Variants in TNKS observed in about 807,000 individuals in gnomAD.
The protein encoded by TNKS is tankyrase.
In TNKS, 72 loss-of-function variants were observed where a neutral mutation model predicts 135.8. The ratio of observed to expected loss-of-function variants is 0.53; its 90% CI spans 0.44 to 0.64. TNKS has a LOEUF of 0.64. TNKS is among the 30% of genes least tolerant of loss of function. TNKS has a pLI of 0.00. For missense variants in TNKS, 1,769 were observed against 1,674.0 expected (o/e 1.06, Z -0.99); for synonymous variants, 849 against 649.3 (o/e 1.31, Z -4.68).
chr8:9,717,072 A>AATATATAT (rs368231440), intron 11 of TNKS, among the ~76,000 whole-genome samples: 2,817 of 79,348 alleles, frequency 0.036, 125 homozygotes, highest in Non-Finnish European at 0.05. Context: ...GTTGTATTAT[A>AATATATAT]ATATATATAT....
At chr8:9,667,151 C>CA (rs1802035613) in intron 3 of TNKS, among the ~76,000 whole-genome samples, 1 of 152,154 alleles carries the variant, frequency 6.6e-6, no homozygotes, top group African/African-American at 2.4e-5. Flanking sequence ...TACTCAAAAA[C>CA]ACTTTCTTCA....
At chr8:9,605,621 T>TA (rs1400190139) in intron 2 of TNKS, among the ~76,000 whole-genome samples, 1 of 152,118 alleles carries the variant, frequency 6.6e-6, no homozygotes, top group Admixed American at 6.5e-5. Flanking sequence ...AGTAATGTGT[T>TA]AGAGTTCCAG....
intron 3 of TNKS, among the ~76,000 whole-genome samples, chr8:9,636,789 C>G (rs1319211199): frequency 3.3e-5 from 5 of 152,132 alleles, no homozygotes; most frequent in African/African-American, 1.2e-4. Context: ...TAGATGGACA[C>G]CAGATGAGTA....
intron 18 of TNKS, among the ~76,000 whole-genome samples, chr8:9,749,189 C>G (rs1251770277): frequency 6.6e-6 from 1 of 152,178 alleles, no homozygotes; most frequent in Non-Finnish European, 1.5e-5. Context: ...AAAGGAGAAG[C>G]AAAAATTTCG....
chr8:9,722,578 T>G (rs909395163), intron 12 of TNKS: 9 of 148,726 alleles, frequency 6.1e-5, no homozygotes, highest in Admixed American at 1.3e-4. Context: ...AAAAAAAGAC[T>G]TTGACTTCCT....
intron 19 of TNKS, among the ~76,000 whole-genome samples, chr8:9,752,193 T>C (rs1258914441): frequency 6.6e-6 from 1 of 152,206 alleles, no homozygotes; most frequent in African/African-American, 2.4e-5. Flanking sequence ...TTAAAAGCTT[T>C]AGATGTTTCT....
chr8:9,635,860 A>G (rs185779779), intron 3 of TNKS, among the ~76,000 whole-genome samples: 18 of 152,324 alleles, frequency 1.2e-4, no homozygotes, highest in African/African-American at 3.6e-4. Flanking sequence ...ATCAAAGGAA[A>G]CTAAAGAGAC....
intron 2 of TNKS, among the ~76,000 whole-genome samples, chr8:9,581,892 A>T (rs1302471179): frequency 6.6e-6 from 1 of 152,170 alleles, no homozygotes; most frequent in African/African-American, 2.4e-5. Flanking sequence ...CTATTGAAAT[A>T]AAAGACTAGA....
chr8:9,720,463 C>A lies in TNKS; in HGVS notation c.1839C>A (p.Tyr613Ter). The A allele has an allele frequency of 6.2e-7, 1 of 1,614,156 alleles. No individual in the cohort carries two copies. Among genetic ancestry groups the A allele is most frequent in the Non-Finnish European group, 8.5e-7 (1 of 1,180,022 alleles). ...AGACCTGCCGCCTCCTGCTGAGTTA[C>A]GGCTCTGACCCCTCCATCATCTCCT... ...HLQTCRLLLS[Y>*]GSDPSIISLQ... Residue 613 changes from tyrosine to a stop codon, truncating the protein, a stop_gained, in exon 12 of 27, where the codon TAC becomes TAA. Coordinates refer to ENST00000310430, the MANE Select transcript of TNKS (RefSeq NM_003747.3). LOFTEE classifies it high-confidence loss of function.
chr8:9,602,221 A>G lies in TNKS; in HGVS notation c.899-13361A>G, dbSNP rs141854511. On this transcript the variant is annotated intron_variant, in intron 2 of 26. Transcript: ENST00000310430. Reference sequence around the variant, plus strand: ...GACTACTTAGGCTGTTAAAGATGCAACAAGCCACTTGTAGGTTTAGCTAGT... The same window carrying G: ...GACTACTTAGGCTGTTAAAGATGCAGCAAGCCACTTGTAGGTTTAGCTAGT... Among the ~76,000 whole-genome samples, 3 of 152,330 alleles carry G rather than the reference A, an allele frequency of 2.0e-5. No individual in the cohort carries two copies. The East Asian group carries it at 5.8e-4, about 29-fold the overall frequency.
chr8:9,569,278 C>G (rs974965560), intron 1 of TNKS, among the ~76,000 whole-genome samples: 1 of 152,174 alleles, frequency 6.6e-6, no homozygotes, highest in Non-Finnish European at 1.5e-5. Context: ...AGCTCCATAG[C>G]ACACACACAT....
At chr8:9,722,025 C>T (rs1231717137) in intron 12 of TNKS, among the ~76,000 whole-genome samples, 1 of 149,190 alleles carries the variant, frequency 6.7e-6, no homozygotes, top group Non-Finnish European at 1.5e-5. Flanking sequence ...TGCACTCCAT[C>T]CAGCCTGGGT....
At chr8:9,748,624 G>A (rs1395971058) in intron 18 of TNKS, among the ~76,000 whole-genome samples, 2 of 152,322 alleles carry the variant, frequency 1.3e-5, no homozygotes, top group Admixed American at 6.5e-5. Context: ...TAACTGCAAA[G>A]TTAAGCACTG....
At chr8:9,613,314 T>C (rs1799529185) in intron 2 of TNKS, among the ~76,000 whole-genome samples, 1 of 152,176 alleles carries the variant, frequency 6.6e-6, no homozygotes, top group Non-Finnish European at 1.5e-5. Context: ...TATGGTGAGC[T>C]GATGGGGATT....
At chr8:9,606,298 C>G (rs142755399) in intron 2 of TNKS, among the ~76,000 whole-genome samples, 1,707 of 151,362 alleles carry the variant, frequency 0.011, 20 homozygotes, top group African/African-American at 0.04. Flanking sequence ...TATGAGCTGT[C>G]TTCTGTTCTG....
intron 1 of TNKS, among the ~76,000 whole-genome samples, chr8:9,574,524 C>G (rs1257862278): frequency 6.6e-6 from 1 of 152,180 alleles, no homozygotes; most frequent in African/African-American, 2.4e-5. Context: ...ACATAGCTGA[C>G]AGATGATCCT....
At chr8:9,580,933 T>G (rs574970920) in intron 2 of TNKS, among the ~76,000 whole-genome samples, 1 of 152,346 alleles carries the variant, frequency 6.6e-6, no homozygotes, top group South Asian at 2.1e-4. Flanking sequence ...CGAAGCTGTA[T>G]TCAATCAGCA....
At chr8:9,601,881 T>C in intron 2 of TNKS, among the ~76,000 whole-genome samples, 1 of 152,192 alleles carries the variant, frequency 6.6e-6, no homozygotes. Flanking sequence ...CACATAAATC[T>C]TTCTTCAAAT....
intron 1 of TNKS, chr8:9,556,834 C>G (rs949051751): frequency 3.4e-6 from 2 of 596,386 alleles, no homozygotes; most frequent in Non-Finnish European, 5.9e-6. Context: ...AGTGGTTGCA[C>G]AGTACTCATT....
Sources: allele counts gnomAD v4.1 joint callset (sites outside exome capture counted in the v4.1 genomes callset), GRCh38; gene constraint gnomAD v4.1.1; transcripts MANE v1.5; gene names NCBI Gene and HGNC (gene_info 2026-07-23, HGNC 2026-07-21).